Variants in GLYATL1 observed in about 807,000 individuals in gnomAD.
The protein encoded by GLYATL1 is glycine-N-acyltransferase like 1.
Under a neutral mutation model 20.0 loss-of-function variants are expected in GLYATL1, and 15 were observed. That is an observed-to-expected ratio of 0.75 (90% CI 0.50 to 1.15). The LOEUF is 1.15. Ranked by LOEUF, GLYATL1 falls within the 50% of genes most tolerant of loss-of-function variation. The probability of loss-of-function intolerance (pLI) is 0.00; values close to 1 mark genes in which losing one functional copy is unlikely to be tolerated. For missense variants in GLYATL1, 380 were observed against 368.5 expected (o/e 1.03, Z -0.26); for synonymous variants, 151 against 131.5 (o/e 1.15, Z -1.01).
At chr11:58,911,259 G>A (rs1309222296), downstream of GLYATL1, among the ~76,000 whole-genome samples, 4 of 152,106 alleles carry the variant, frequency 2.6e-5, no homozygotes, top group Admixed American at 2.0e-4. Context: ...CCAGTTTGGG[G>A]GCTTTGTAAA....
chr11:58,924,748 G>A (rs761182835), upstream of GLYATL1, among the ~76,000 whole-genome samples: 7 of 152,158 alleles, frequency 4.6e-5, no homozygotes, highest in African/African-American at 1.7e-4. Flanking sequence ...AAGAGTGACC[G>A]GTAGTGTTAC....
At position 58,947,192 on chromosome 11, in the gene GLYATL1, A is replaced by C. The variant is rs762062535; in HGVS notation, c.78+27A>C. On this transcript the variant is annotated intron_variant, in intron 3 of 6. Transcript: ENST00000532726. ...TCAGGGAACAGTGGGAGGTCAGGGT[A>C]TGGGAGTAGGGGTGTTGAGGATGAG... 1.3e-5 allele frequency: 21 copies of C among 1,610,320 alleles called. No homozygotes were observed. In the South Asian group the frequency reaches 2.3e-4, roughly 18 times the overall value.
At chr11:58,933,987 T>C (rs903210131) in intron 1 of GLYATL1, 1 of 152,434 alleles carries the variant, frequency 6.6e-6, no homozygotes, top group African/African-American at 2.4e-5. Flanking sequence ...TAAGGGCAGG[T>C]ACAGAGCCTG....
chr11:58,910,151 T>C (rs558984696), downstream of GLYATL1, among the ~76,000 whole-genome samples: 31 of 14,778 alleles, frequency 2.1e-3, no homozygotes, highest in South Asian at 0.39. Flanking sequence ...TTTATTTCCA[T>C]ACATTATGGC....
intron 4 of GLYATL1, among the ~76,000 whole-genome samples, chr11:58,949,017 A>G (rs1856784195): frequency 6.6e-6 from 1 of 152,246 alleles, no homozygotes; most frequent in Non-Finnish European, 1.5e-5. Flanking sequence ...TGTATGTTAA[A>G]CACTTAGTAC....
intron 3 of GLYATL1, chr11:58,947,583 A>T (rs1010482511): frequency 2.7e-5 from 13 of 485,424 alleles, no homozygotes; most frequent in Middle Eastern, 1.1e-3. Context: ...GAATAAATCT[A>T]TACAATATAA....
At chr11:58,909,053 T>G (rs1854977136), downstream of GLYATL1, among the ~76,000 whole-genome samples, 3 of 152,308 alleles carry the variant, frequency 2.0e-5, no homozygotes, top group South Asian at 6.2e-4. Flanking sequence ...CCACACTATT[T>G]TGTTCAAAAT....
rs1337957661 is a variant in GLYATL1 at position 58,943,611 on chromosome 11, G to A, written c.-98G>A. The A allele has an allele frequency of 5.0e-6, 8 of 1,613,656 alleles. No homozygotes were observed. The highest frequency in any genetic ancestry group is 1.7e-5 in the Admixed American group (1 of 59,990). On this transcript the variant is annotated 5_prime_UTR_variant, in exon 2 of 7. Coordinates refer to ENST00000532726, the MANE Select transcript of GLYATL1 (RefSeq NM_001389712.2). ...CAGGAGCGCGAAGTGAACACGGAAGGTACCTGCAGGATCCAATTGTGTCCA... is the reference window on the plus strand; with the variant it reads ...CAGGAGCGCGAAGTGAACACGGAAGATACCTGCAGGATCCAATTGTGTCCA...
chr11:58,934,018 G>A (rs10896879), intron 1 of GLYATL1: 24,219 of 152,544 alleles, frequency 0.16, 2,102 homozygotes, highest in East Asian at 0.31. Flanking sequence ...GTGCTGGACT[G>A]AGCATGGGTC....
chr11:58,938,597 C>G (rs1013317835), upstream of GLYATL1, among the ~76,000 whole-genome samples: 2 of 152,114 alleles, frequency 1.3e-5, no homozygotes, highest in Non-Finnish European at 2.9e-5. Context: ...GCCCGGAGAG[C>G]CCTGAGGTTG....
At chr11:58,923,029 T>A (rs972936518), upstream of GLYATL1, among the ~76,000 whole-genome samples, 12 of 152,198 alleles carry the variant, frequency 7.9e-5, no homozygotes, top group East Asian at 1.9e-4. Flanking sequence ...TTTCTTAAAA[T>A]TTTTTAACGT....
intron 4 of GLYATL1, among the ~76,000 whole-genome samples, chr11:58,951,880 G>C (rs1397137948): frequency 2.8e-4 from 42 of 152,100 alleles, no homozygotes; most frequent in Non-Finnish European, 1.5e-5. Flanking sequence ...AATCCTGTTT[G>C]TGTGGGGCAT....
intron 1 of GLYATL1, among the ~76,000 whole-genome samples, chr11:58,932,918 T>C (rs958678047): frequency 2.0e-5 from 3 of 152,188 alleles, no homozygotes; most frequent in Non-Finnish European, 4.4e-5. Context: ...TGTGCTATTT[T>C]TTAAGTTGGG....
chr11:58,925,408 A>G (rs910839281), upstream of GLYATL1, among the ~76,000 whole-genome samples: 1 of 152,198 alleles, frequency 6.6e-6, no homozygotes, highest in Non-Finnish European at 1.5e-5. Context: ...ACAATTTTTG[A>G]CATGCCTTAA....
In GLYATL1 at chr11:58,946,353, A is replaced by C. The variant is rs114677943; in HGVS notation, c.-42-693A>C. ...AGGTTCTGATTGGTTAAGCAACTTAACAAAGAAGTATGAGATGGAACTAAA... is the reference window on the plus strand; with the variant it reads ...AGGTTCTGATTGGTTAAGCAACTTACCAAAGAAGTATGAGATGGAACTAAA... On this transcript the variant is annotated intron_variant, in intron 2 of 6. Transcript: ENST00000532726. Among the ~76,000 whole-genome samples the C allele has an allele frequency of 3.6e-3, 546 of 152,352 alleles. 1 individual carries two copies. Among genetic ancestry groups the C allele is most frequent in the African/African-American group, 0.013 (526 of 41,582 alleles).
intron 1 of GLYATL1, among the ~76,000 whole-genome samples, chr11:58,929,590 C>G (rs1855526053): frequency 6.6e-6 from 1 of 152,104 alleles, no homozygotes; most frequent in African/African-American, 2.4e-5. Flanking sequence ...TCAATGCCCC[C>G]CAAATTATGA....
chr11:58,931,791 A>G (rs1160494614), intron 1 of GLYATL1, among the ~76,000 whole-genome samples: 1 of 152,220 alleles, frequency 6.6e-6, no homozygotes, highest in East Asian at 1.9e-4. Flanking sequence ...TAAGCAATTT[A>G]TGTCTACAAT....
chr11:58,941,244 C>T (rs1234441724), intron 1 of GLYATL1, among the ~76,000 whole-genome samples: 19 of 138,168 alleles, frequency 1.4e-4, no homozygotes, highest in African/African-American at 4.9e-4. Flanking sequence ...CCTGTGTCCA[C>T]GTGTTCTCAT....
At chr11:58,949,351 G>A (rs1856806698) in intron 4 of GLYATL1, among the ~76,000 whole-genome samples, 1 of 152,152 alleles carries the variant, frequency 6.6e-6, no homozygotes, top group Non-Finnish European at 1.5e-5. Context: ...AGGGGTAAAG[G>A]GGATGGGAAC....
Sources: gnomAD v4.1 joint callset for allele counts (sites outside exome capture counted in the v4.1 genomes callset) on GRCh38, gnomAD v4.1.1 for gene constraint, MANE v1.5 for transcripts, NCBI Gene and HGNC (gene_info 2026-07-23, HGNC 2026-07-21) for gene names.